Variants in SNRPN observed in about 807,000 individuals in gnomAD.
SNRPN encodes the protein small nuclear ribonucleoprotein polypeptide N.
SNRPN carries 7 observed loss-of-function variants against 25.2 expected under a neutral mutation model. The ratio of observed to expected loss-of-function variants is 0.28; its 90% CI spans 0.16 to 0.52. The LOEUF is 0.52. Among genes scored for constraint, SNRPN ranks in the 20% least tolerant of loss-of-function variants. The probability of loss-of-function intolerance (pLI) is 0.96; values close to 1 mark genes in which losing one functional copy is unlikely to be tolerated. For synonymous variants in SNRPN, 124 were observed against 110.6 expected (o/e 1.12, Z -0.76); for missense variants, 196 against 322.5 (o/e 0.61, Z 3.00).
In SNRPN at chr15:24,928,117, C is replaced by T. The variant is rs144580414; in HGVS notation, c.-391+7993C>T. Among the ~76,000 whole-genome samples, 93 of 152,214 alleles carry T rather than the reference C, an allele frequency of 6.1e-4. 1 individual carries two copies. The East Asian group carries it at 0.012, about 19-fold the overall frequency. The stretch of plus-strand genomic sequence containing the variant: ...AGGATGCAGATGACAGGGAACTCTC[C>T]TATACTTTTGGTGGGAATGTGAATT... On this transcript the variant is annotated intron_variant, in intron 3 of 11. Transcript: ENST00000400097.
intron 1 of SNRPN, among the ~76,000 whole-genome samples, chr15:24,877,452 G>A (rs1395795764): frequency 6.6e-6 from 1 of 152,218 alleles, no homozygotes; most frequent in Non-Finnish European, 1.5e-5. Context: ...CAGGAACCAA[G>A]AATGACTGCT....
At chr15:24,943,744 C>T (rs2061704593) in intron 3 of SNRPN, among the ~76,000 whole-genome samples, 2 of 152,070 alleles carry the variant, frequency 1.3e-5, no homozygotes, top group Non-Finnish European at 2.9e-5. Context: ...TGCAACTTAC[C>T]AATGGGGGCC....
intron 2 of SNRPN, among the ~76,000 whole-genome samples, chr15:24,896,005 G>A (rs2058062087): frequency 6.6e-6 from 1 of 152,196 alleles, no homozygotes; most frequent in Admixed American, 6.5e-5. Flanking sequence ...TAATAATTCA[G>A]CTATGAAAGG....
intron 1 of SNRPN, among the ~76,000 whole-genome samples, chr15:24,828,891 C>T (rs560257405): frequency 1.3e-5 from 2 of 152,044 alleles, no homozygotes; most frequent in African/African-American, 2.4e-5. Flanking sequence ...AGCAGCGTGG[C>T]CCAGGGGAGG....
chr15:24,833,046 AGTG>A (rs2050695034), intron 2 of SNRPN, among the ~76,000 whole-genome samples: 1 of 134,036 alleles, frequency 7.5e-6, no homozygotes, highest in Non-Finnish European at 1.5e-5. Flanking sequence ...CGGAGCTTGC[AGTG>A]AGCCAAGATT....
chr15:24,938,190 A>G (rs2061350839), intron 3 of SNRPN, among the ~76,000 whole-genome samples: 1 of 148,458 alleles, frequency 6.7e-6, no homozygotes, highest in African/African-American at 2.5e-5. Context: ...ATCTCGGCTC[A>G]CTGCAACCTC....
chr15:24,894,192 A>G (rs1265119975), intron 2 of SNRPN, among the ~76,000 whole-genome samples: 2 of 150,770 alleles, frequency 1.3e-5, no homozygotes, highest in Non-Finnish European at 2.9e-5. Flanking sequence ...TGTACGCCCC[A>G]TCAAGTGGAA....
intron 3 of SNRPN, among the ~76,000 whole-genome samples, chr15:24,943,336 G>C (rs2061674632): frequency 6.6e-6 from 1 of 152,120 alleles, no homozygotes; most frequent in Non-Finnish European, 1.5e-5. Flanking sequence ...TGGGTGGTAT[G>C]TGCATGTTTT....
intron 2 of SNRPN, among the ~76,000 whole-genome samples, chr15:24,893,884 T>TA (rs1385035070): frequency 6.6e-6 from 1 of 151,288 alleles, no homozygotes; most frequent in South Asian, 2.1e-4. Context: ...TGGAGAAAGG[T>TA]AAAAAATAGG....
At chr15:24,834,749 C>CTCTCTCTCTCTCTCTCTATATA (rs1566806547) in intron 2 of SNRPN, among the ~76,000 whole-genome samples, 20 of 63,082 alleles carry the variant, frequency 3.2e-4, no homozygotes, top group Non-Finnish European at 3.1e-4. Context: ...CTCTCTCTCT[C>CTCTCTCTCTCTCTCTCTATATA]TCTATATATA....
intron 3 of SNRPN, among the ~76,000 whole-genome samples, chr15:24,932,126 G>A (rs1281335680): frequency 6.6e-6 from 1 of 152,102 alleles, no homozygotes; most frequent in African/African-American, 2.4e-5. Context: ...ACTTTTTTCA[G>A]GCAGGCTATT....
chr15:24,978,075 G>T, intron 8 of SNRPN, 118 bp from the exon 9 acceptor site: 1 of 1,210,228 alleles, frequency 8.3e-7, no homozygotes, highest in Non-Finnish European at 1.2e-6. Context: ...TTGTCATATA[G>T]AAGTTATTTG....
At chr15:24,959,442 C>A (rs1260227785) in intron 1 of SNRPN, among the ~76,000 whole-genome samples, 1 of 152,022 alleles carries the variant, frequency 6.6e-6, no homozygotes, top group South Asian at 2.1e-4. Flanking sequence ...GGTATTGAGA[C>A]CCCGTCTCTA....
intron 3 of SNRPN, among the ~76,000 whole-genome samples, chr15:24,931,838 C>CAAAAAAAAAAAAAA (rs71127026): frequency 2.3e-5 from 1 of 42,980 alleles, no homozygotes; most frequent in Non-Finnish European, 3.6e-5. Flanking sequence ...GAACCTGTCT[C>CAAAAAAAAAAAAAA]AAAAAAAAAA....
chr15:24,848,131 G>T (rs1413723475), intron 2 of SNRPN, among the ~76,000 whole-genome samples: 1 of 151,610 alleles, frequency 6.6e-6, no homozygotes, highest in Admixed American at 6.6e-5. Flanking sequence ...CAACCTCACA[G>T]GGCGGCCCGC....
At chr15:24,888,591 C>T (rs2057387806) in intron 2 of SNRPN, among the ~76,000 whole-genome samples, 1 of 152,026 alleles carries the variant, frequency 6.6e-6, no homozygotes, top group Non-Finnish European at 1.5e-5. Context: ...CAAAATAGGA[C>T]CTTATTTTCC....
chr15:24,929,223 T>C lies in SNRPN; in HGVS notation c.-391+9099T>C, dbSNP rs1037045552. Among the ~76,000 whole-genome samples the C allele has an allele frequency of 6.7e-6, 1 of 149,822 alleles. No individual in the cohort carries two copies. The highest frequency in any genetic ancestry group is 2.5e-5 in the African/African-American group (1 of 40,606). The stretch of plus-strand genomic sequence containing the variant: ...CATGTATTTATAGTGATATTTTCCA[T>C]CCCAATCTACACCGCAGGGTTTTTC... On this transcript the variant is annotated intron_variant, in intron 3 of 11. Coordinates refer to the SNRPN transcript ENST00000400097. The surrounding 1 kb of genome is among the most constrained non-coding windows in gnomAD (Gnocchi z 5.3).
chr15:24,875,766 A>C (rs2055797252), intron 1 of SNRPN, among the ~76,000 whole-genome samples: 1 of 152,134 alleles, frequency 6.6e-6, no homozygotes, highest in African/African-American at 2.4e-5. Flanking sequence ...AGAAATAAAA[A>C]TTTTAGGCCG....
At chr15:24,948,718 A>T (rs1398434062) in intron 3 of SNRPN, among the ~76,000 whole-genome samples, 33 of 152,086 alleles carry the variant, frequency 2.2e-4, no homozygotes. Context: ...TTACTGGTCG[A>T]ATGTTTGTAG....
Sources: gnomAD v4.1 joint callset for allele counts (sites outside exome capture counted in the v4.1 genomes callset) on GRCh38, gnomAD v4.1.1 for gene constraint, Gnocchi (gnomAD v3.1) non-coding constraint, MANE v1.5 for transcripts, NCBI Gene and HGNC (gene_info 2026-07-23, HGNC 2026-07-21) for gene names.